TNRC6B: variants seen among roughly 807,000 people sequenced by gnomAD.
TNRC6B encodes the protein trinucleotide repeat containing adaptor 6B, also known as trinucleotide repeat-containing gene 6B protein.
A neutral mutation model predicts 203.6 loss-of-function variants in TNRC6B; 52 were observed. That is an observed-to-expected ratio of 0.26 (90% CI 0.20 to 0.32). The LOEUF (loss-of-function observed/expected upper bound fraction) is 0.32. TNRC6B is among the 10% of genes least tolerant of loss of function. The pLI is 1.00. For missense variants in TNRC6B, 1,923 were observed against 2,286.2 expected, an observed-to-expected ratio of 0.84 and a Z score of 3.24; for synonymous variants, 838 against 845.7, an observed-to-expected ratio of 0.99 and a Z score of 0.16.
intron 1 of TNRC6B, among the ~76,000 whole-genome samples, chr22:40,201,111 C>G (rs1374554564): frequency 6.6e-6 from 1 of 152,214 alleles, no homozygotes; most frequent in East Asian, 1.9e-4. Context: ...GTAGCTCCCA[C>G]TGAGGGACGT....
chr22:40,053,541 TTCTC>T lies in TNRC6B; in HGVS notation c.-121+8547_-121+8550del, dbSNP rs546936960. 3.6e-4 allele frequency among the ~76,000 whole-genome samples: 55 copies of T among 152,226 alleles called. 1 individual carries two copies. Among genetic ancestry groups the T allele is most frequent in the Non-Finnish European group, 2.8e-4 (19 of 68,044 alleles). Reference sequence around the variant, plus strand: ...TTAATTCTTCCTAGGAAGATTGAATTTCTCTCTGTTCTCTTAGACTTTACTCATT... The same window carrying T: ...TTAATTCTTCCTAGGAAGATTGAATTTCTGTTCTCTTAGACTTTACTCATT... On this transcript the variant is annotated intron_variant, in intron 1 of 23. Transcript: ENST00000301923.
intron 21 of TNRC6B, among the ~76,000 whole-genome samples, chr22:40,317,227 G>A (rs1164472997): frequency 2.0e-5 from 3 of 152,134 alleles, no homozygotes; most frequent in Non-Finnish European, 4.4e-5. Flanking sequence ...TTTGTGCTCT[G>A]TAAATAATTA....
rs574488855 is a variant in TNRC6B at position 40,080,650 on chromosome 22, G to C, written c.-121+35652G>C. On this transcript the variant is annotated intron_variant, in intron 1 of 23. Transcript: ENST00000301923. ...TCCCCAAGTGTTCCTTGCTTTACCA[G>C]ATGTCCATGGCTTTGTGCAAGTCAC... Among the ~76,000 whole-genome samples, 10 of 152,148 alleles carry C rather than the reference G, an allele frequency of 6.6e-5. No homozygotes were observed. In the South Asian group the frequency reaches 1.7e-3, roughly 25 times the overall value.
intron 1 of TNRC6B, among the ~76,000 whole-genome samples, chr22:40,227,871 A>G (rs1217339260): frequency 6.6e-6 from 1 of 152,170 alleles, no homozygotes; most frequent in Non-Finnish European, 1.5e-5. Flanking sequence ...ATAAGTTCTC[A>G]GTTTTTCTCC....
intron 1 of TNRC6B, among the ~76,000 whole-genome samples, chr22:40,226,220 T>G (rs1286584247): frequency 6.6e-6 from 1 of 152,212 alleles, no homozygotes; most frequent in Non-Finnish European, 1.5e-5. Context: ...ACTTTCCATT[T>G]TTACTATTCT....
At position 40,310,982 on chromosome 22, in the gene TNRC6B, G is replaced by C. The variant is rs1220255932; in HGVS notation, c.4424G>C (p.Ser1475Thr). Reference sequence around the variant, plus strand: ...ATCGGAAGTAAATCCAGCAATGCCAGTTGGCCTCCAGGTATTGTCTAGGAA... The same window carrying C: ...ATCGGAAGTAAATCCAGCAATGCCACTTGGCCTCCAGGTATTGTCTAGGAA... Reference protein sequence around the residue: ...NKIGSKSSNASWPPEFQPGVP... With the variant: ...NKIGSKSSNATWPPEFQPGVP... Residue 1475 changes from serine (S) to threonine (T), a missense_variant, in exon 17 of 23, where the codon AGT becomes ACT. Ser to Thr is a moderately conservative substitution (Grantham distance 58, BLOSUM62 1). Coordinates refer to ENST00000454349, the MANE Select transcript of TNRC6B (RefSeq NM_001162501.2). 2 of 1,607,014 alleles carry C rather than the reference G, an allele frequency of 1.2e-6. No homozygotes were observed. Among genetic ancestry groups the C allele is most frequent in the East Asian group, 2.2e-5 (1 of 44,800 alleles).
At chr22:40,075,743 A>G (rs1305159361) in intron 1 of TNRC6B, among the ~76,000 whole-genome samples, 1 of 151,502 alleles carries the variant, frequency 6.6e-6, no homozygotes, top group East Asian at 1.9e-4. Flanking sequence ...TTACTATTCC[A>G]TCTCCTCTGT....
rs930448550 is a variant in TNRC6B, at chr22:40,168,663, T to C, written c.113+12481T>C. 2.6e-5 allele frequency among the ~76,000 whole-genome samples: 4 copies of C among 152,262 alleles called. No individual in the cohort carries two copies. In the East Asian group the frequency reaches 7.7e-4, roughly 29 times the overall value. On this transcript the variant is annotated intron_variant, in intron 4 of 23. Transcript: ENST00000301923. ...AGTTTTGGCTATTATTTCTATCTTC[T>C]GACTTTGTTGGGAGTAAGAATAGCA...
At chr22:40,199,072 A>G (rs2069376531) in intron 1 of TNRC6B, among the ~76,000 whole-genome samples, 1 of 152,116 alleles carries the variant, frequency 6.6e-6, no homozygotes, top group Non-Finnish European at 1.5e-5. Context: ...AAACATGCCA[A>G]AAGGACCCAG....
At chr22:40,208,616 G>A (rs1475866816) in intron 1 of TNRC6B, among the ~76,000 whole-genome samples, 3 of 152,208 alleles carry the variant, frequency 2.0e-5, no homozygotes, top group Non-Finnish European at 4.4e-5. Flanking sequence ...GGAAGTTAAC[G>A]CTTGTGGAGT....
intron 1 of TNRC6B, among the ~76,000 whole-genome samples, chr22:40,055,857 A>G (rs1400802698): frequency 6.6e-6 from 1 of 152,150 alleles, no homozygotes; most frequent in Non-Finnish European, 1.5e-5. Context: ...AAAGAGGACT[A>G]CCCAGAAGGG....
At chr22:40,210,396 G>A (rs903743323) in intron 1 of TNRC6B, among the ~76,000 whole-genome samples, 2 of 152,202 alleles carry the variant, frequency 1.3e-5, no homozygotes, top group Admixed American at 6.5e-5. Context: ...AATGTTATTT[G>A]TTCAACATGC....
chr22:40,085,016 G>A (rs147797197), intron 1 of TNRC6B, among the ~76,000 whole-genome samples: 6 of 152,306 alleles, frequency 3.9e-5, no homozygotes, highest in Admixed American at 2.0e-4. Context: ...TCTGTTGTTA[G>A]GTCATTGCAA....
At chr22:40,066,728 G>A in intron 1 of TNRC6B, among the ~76,000 whole-genome samples, 1 of 151,856 alleles carries the variant, frequency 6.6e-6, no homozygotes, top group Non-Finnish European at 1.5e-5. Flanking sequence ...ATATTTGCTG[G>A]TATATATTAT....
intron 1 of TNRC6B, among the ~76,000 whole-genome samples, chr22:40,226,783 G>A (rs1466384600): frequency 6.6e-6 from 1 of 152,196 alleles, no homozygotes; most frequent in East Asian, 1.9e-4. Context: ...GTGTGCATAT[G>A]CAGCCCTGAC....
chr22:40,187,401 T>C (rs2069217821), intron 1 of TNRC6B, among the ~76,000 whole-genome samples: 1 of 152,168 alleles, frequency 6.6e-6, no homozygotes, highest in Admixed American at 6.5e-5. Context: ...AAATTTGAAA[T>C]AGTGTTTGGG....
chr22:40,228,460 TAAAC>T (rs924538595), intron 1 of TNRC6B, among the ~76,000 whole-genome samples: 200 of 150,352 alleles, frequency 1.3e-3, no homozygotes, highest in African/African-American at 4.6e-3. Context: ...AATAAATAAA[TAAAC>T]AAATAGATAA....
chr22:40,277,560 C>T (rs2070661744), intron 8 of TNRC6B, among the ~76,000 whole-genome samples: 2 of 152,200 alleles, frequency 1.3e-5, no homozygotes, highest in African/African-American at 2.4e-5. Flanking sequence ...CTTTATCTCT[C>T]GGCAACGTTG....
At chr22:40,305,454 T>G (rs1259481005) in intron 15 of TNRC6B, among the ~76,000 whole-genome samples, 1 of 152,240 alleles carries the variant, frequency 6.6e-6, no homozygotes, top group Non-Finnish European at 1.5e-5. Flanking sequence ...CGACAGCTTG[T>G]AAATAGCCGA....
Sources: gnomAD v4.1 joint callset for allele counts (sites outside exome capture counted in the v4.1 genomes callset) on GRCh38, gnomAD v4.1.1 for gene constraint, MANE v1.5 for transcripts, NCBI Gene and HGNC (gene_info 2026-07-23, HGNC 2026-07-21) for gene names.